Variants in DNAH6 observed in about 807,000 individuals in gnomAD.
DNAH6 encodes the protein axonemal beta dynein heavy chain 6.
DNAH6 carries 340 observed loss-of-function variants against 491.4 expected under a neutral mutation model. The ratio of observed to expected loss-of-function variants is 0.69; its 90% CI spans 0.63 to 0.76. The LOEUF (loss-of-function observed/expected upper bound fraction) is 0.76, where lower values mean the gene tolerates loss of function less well. Ranked by LOEUF, DNAH6 falls within the 30% of genes least tolerant of loss-of-function variation. DNAH6 has a pLI of 0.00. For missense variants in DNAH6, 4,443 were observed against 4,972.2 expected, an observed-to-expected ratio of 0.89 and a Z score of 3.20; for synonymous variants, 1,603 against 1,686.1, an observed-to-expected ratio of 0.95 and a Z score of 1.21.
chr2:84,692,691 C>G (rs1054177562), intron 45 of DNAH6, among the ~76,000 whole-genome samples: 3 of 152,174 alleles, frequency 2.0e-5, no homozygotes, highest in African/African-American at 7.2e-5. Flanking sequence ...CTCATACATA[C>G]TGGTCACCTT....
intron 31 of DNAH6, among the ~76,000 whole-genome samples, chr2:84,639,127 G>A (rs1689141427): frequency 6.6e-6 from 1 of 152,072 alleles, no homozygotes; most frequent in South Asian, 2.1e-4. Flanking sequence ...GCAGCTCAGG[G>A]GTCCCCCATA....
chr2:84,634,377 T>C (rs1392569557), intron 29 of DNAH6, 127 bp from the exon 30 acceptor site: 1 of 954,588 alleles, frequency 1.0e-6, no homozygotes, highest in Non-Finnish European at 1.4e-6. Context: ...TAGACCAGTA[T>C]TCACATAAAA....
At chr2:84,465,192 GTTTAA>G in the DNAH6 span, among the ~76,000 whole-genome samples, 6 of 152,160 alleles carry the variant, frequency 3.9e-5, no homozygotes, top group African/African-American at 1.2e-4. Context: ...ATTAGTAAGT[GTTTAA>G]TTTAAGAAAA....
intron 11 of DNAH6, among the ~76,000 whole-genome samples, chr2:84,559,681 C>T (rs1312898199): frequency 1.3e-5 from 2 of 151,988 alleles, no homozygotes; most frequent in African/African-American, 2.4e-5. Context: ...TCACCCAATC[C>T]CTGAGCTAAA....
chr2:84,721,794 A>T (rs2104929781), intron 59 of DNAH6, among the ~76,000 whole-genome samples: 1 of 152,324 alleles, frequency 6.6e-6, no homozygotes, highest in Admixed American at 6.5e-5. Flanking sequence ...TGATGGAGCA[A>T]ATACTGAGCA....
intron 29 of DNAH6, among the ~76,000 whole-genome samples, chr2:84,632,187 T>C (rs1345417006): frequency 6.6e-6 from 1 of 152,244 alleles, no homozygotes; most frequent in East Asian, 1.9e-4. Flanking sequence ...TATTTGGAAC[T>C]GCTCCTTTGT....
chr2:84,469,191 G>C, the DNAH6 span, among the ~76,000 whole-genome samples: 1 of 152,150 alleles, frequency 6.6e-6, no homozygotes, highest in Non-Finnish European at 1.5e-5. This position sits in a 1 kb window ranked among gnomAD's most constrained non-coding sequence, Gnocchi z 4.0. Flanking sequence ...TGCACAGAGA[G>C]AGAGAAGCCA....
At chr2:84,460,954 A>G in the DNAH6 span, among the ~76,000 whole-genome samples, 1 of 152,214 alleles carries the variant, frequency 6.6e-6, no homozygotes, top group Non-Finnish European at 1.5e-5. Flanking sequence ...AATTCTTAAC[A>G]GGACCCATTT....
At chr2:84,492,325 T>C in the DNAH6 span, among the ~76,000 whole-genome samples, 1 of 151,852 alleles carries the variant, frequency 6.6e-6, no homozygotes, top group Admixed American at 6.6e-5. Context: ...ATTTCCAGTC[T>C]TGTCCTGTAA....
chr2:84,595,910 CAAT>C (rs1684533009), intron 18 of DNAH6, 121 bp downstream of exon 18: 3 of 1,113,588 alleles, frequency 2.7e-6, no homozygotes, highest in Non-Finnish European at 3.6e-6. Flanking sequence ...ACAGAAAAAA[CAAT>C]AGTCAAATTC....
chr2:84,573,506 G>A lies in DNAH6; in HGVS notation c.1843G>A (p.Ala615Thr), dbSNP rs749089495. The change falls in exon 12 of 77, where the codon GCA becomes ACA. Residue 615 changes from alanine (A) to threonine (T), a missense_variant. Transcript: ENST00000389394. ...QAAFESARIYAATFEKFQIFF... is the reference protein window; with the variant it reads ...QAAFESARIYTATFEKFQIFF... ...CGCATTTGAATCAGCCCGCATCTAT[G>A]CAGCTACCTTTGAAAAGTTCCAGAT... 2 of 1,591,864 alleles carry A rather than the reference G, an allele frequency of 1.3e-6. No individual in the cohort carries two copies. Among genetic ancestry groups the A allele is most frequent in the South Asian group, 2.3e-5 (2 of 86,218 alleles).
At chr2:84,469,540 G>C in the DNAH6 span, among the ~76,000 whole-genome samples, 1 of 152,124 alleles carries the variant, frequency 6.6e-6, no homozygotes, top group African/African-American at 2.4e-5. This position sits in a 1 kb window ranked among gnomAD's most constrained non-coding sequence, Gnocchi z 4.0. Context: ...TATAGGAAAA[G>C]AAAAGTAGAG....
Position 84,544,491 on chromosome 2 carries a change from T to C in DNAH6, c.921T>C (p.Ile307=). Residue 307 remains isoleucine (I), a synonymous_variant, in exon 5 of 77, where the codon ATT becomes ATC. Transcript: ENST00000389394. ...AATCTCTACAAAAAAATTTGTTCAT[T>C]GTTAATCCTGTATGTATTTATCATT... ...CQKSLQKNLF[I]VNPHLRPALL... 1 of 1,444,354 alleles carries C rather than the reference T, an allele frequency of 6.9e-7. No homozygotes were observed. The highest frequency in any genetic ancestry group is 9.5e-7 in the Non-Finnish European group (1 of 1,051,512). The allele number at this position is 1,444,354 out of a possible 1,614,324, so 89.5% of individuals were successfully genotyped here.
At chr2:84,632,038 A>G (rs1349890845) in intron 29 of DNAH6, among the ~76,000 whole-genome samples, 3 of 152,160 alleles carry the variant, frequency 2.0e-5, no homozygotes, top group Admixed American at 2.0e-4. Context: ...GACTACAGGT[A>G]TGTCCTGGTT....
At chr2:84,540,376 GCACAACAGT>G (rs1468058008) in intron 4 of DNAH6, among the ~76,000 whole-genome samples, 2 of 152,176 alleles carry the variant, frequency 1.3e-5, no homozygotes, top group African/African-American at 4.8e-5. Flanking sequence ...AGGTTCTTGA[GCACAACAGT>G]CACATGAGGC....
chr2:84,718,201 T>C lies in DNAH6; in HGVS notation c.9612-3T>C, dbSNP rs1359534562. ...AATTTAGATATCTGAACTTTGGTTT[T>C]AGTGATGTGGTGCGACTTGAAAAAC... On this transcript the variant is annotated splice_region_variant and splice_polypyrimidine_tract_variant and intron_variant, in intron 58 of 76. Coordinates refer to ENST00000389394, the MANE Select transcript of DNAH6 (RefSeq NM_001370.2). 6.6e-7 allele frequency: 1 copy of C among 1,512,606 alleles called. No homozygotes were observed. 93.7% of individuals were successfully genotyped at this position (1,512,606 alleles called of 1,614,324 possible). A position where few individuals can be genotyped will look rare whatever the true frequency, so the allele number is the denominator to read the frequency against.
intron 36 of DNAH6, 97 bp from the exon 37 acceptor site, chr2:84,658,929 G>T (rs923419991): frequency 1.3e-6 from 1 of 747,744 alleles, no homozygotes; most frequent in Non-Finnish European, 2.0e-6. Flanking sequence ...AAATGTGTGA[G>T]TCTAAATGAA....
the DNAH6 span, among the ~76,000 whole-genome samples, chr2:84,508,536 T>G: frequency 4.5e-4 from 69 of 152,320 alleles, no homozygotes; most frequent in Non-Finnish European, 2.6e-4. Flanking sequence ...ATTCATTGAT[T>G]TTTTGAAGGG....
the DNAH6 span, among the ~76,000 whole-genome samples, chr2:84,467,405 C>T: frequency 6.6e-6 from 1 of 152,132 alleles, no homozygotes; most frequent in African/African-American, 2.4e-5. Context: ...TGATGAAAAC[C>T]TTGACAAGTT....
Sources: gnomAD v4.1 joint callset for allele counts (sites outside exome capture counted in the v4.1 genomes callset) on GRCh38, gnomAD v4.1.1 for gene constraint, Gnocchi (gnomAD v3.1) non-coding constraint, MANE v1.5 for transcripts, NCBI Gene and HGNC (gene_info 2026-07-23, HGNC 2026-07-21) for gene names.